Variants in BNC2 observed in about 807,000 individuals in gnomAD.
BNC2 encodes basonuclin zinc finger protein 2.
In BNC2, 20 loss-of-function variants were observed where a neutral mutation model predicts 76.3. The ratio of observed to expected loss-of-function variants is 0.26; its 90% CI spans 0.18 to 0.38. The LOEUF is 0.38. Among genes scored for constraint, BNC2 ranks in the 10% least tolerant of loss-of-function variants. The pLI is 1.00. For synonymous variants in BNC2, 582 were observed against 514.8 expected, an observed-to-expected ratio of 1.13 and a Z score of -1.77; for missense variants, 1,382 against 1,399.8, an observed-to-expected ratio of 0.99 and a Z score of 0.20.
chr9:16,695,372 C>T (rs920307600), intron 3 of BNC2, among the ~76,000 whole-genome samples: 1 of 151,998 alleles, frequency 6.6e-6, no homozygotes, highest in African/African-American at 2.4e-5. Context: ...ATTTGTGACT[C>T]GCTGCAACCT....
Position 16,418,910 on chromosome 9 carries a change from A to C in BNC2, c.*79T>G. On this transcript the variant is annotated 3_prime_UTR_variant, in exon 7 of 7. Coordinates refer to ENST00000380672, the MANE Select transcript of BNC2 (RefSeq NM_017637.6). ...ACACACACACACACACCCCAAGTAC[A>C]TAAGCGCACACTGACTATGGCAGTT... 7.5e-7 allele frequency: 1 copy of C among 1,330,984 alleles called. No homozygotes were observed. Among genetic ancestry groups the C allele is most frequent in the South Asian group, 1.2e-5 (1 of 80,860 alleles). 82.4% of individuals were successfully genotyped at this position (1,330,984 alleles called of 1,614,324 possible).
chr9:16,445,329 A>G (rs1768552187), intron 5 of BNC2, among the ~76,000 whole-genome samples: 1 of 152,156 alleles, frequency 6.6e-6, no homozygotes, highest in South Asian at 2.1e-4. Flanking sequence ...ACAAAATTAC[A>G]CCATTCTCTA....
intron 1 of BNC2, among the ~76,000 whole-genome samples, chr9:16,858,013 C>A (rs1050619652): frequency 1.3e-5 from 2 of 152,104 alleles, no homozygotes; most frequent in African/African-American, 2.4e-5. Flanking sequence ...CTCATGTTTC[C>A]AAATATGCTA....
rs1820507755 is a variant in BNC2, at chr9:16,413,043, G to GT, written c.*5945dup. ...GTTCACATTACTGGAAGGTAATAAAGTGACAAGTATGTTATTAGAAAGATA... is the reference window on the plus strand; with the variant it reads ...GTTCACATTACTGGAAGGTAATAAAGTTGACAAGTATGTTATTAGAAAGATA... On this transcript the variant is annotated 3_prime_UTR_variant, in exon 7 of 7. Coordinates refer to ENST00000380672, the MANE Select transcript of BNC2 (RefSeq NM_017637.6). 6.6e-6 allele frequency: 1 copy of GT among 152,590 alleles called. No homozygotes were observed. The highest frequency in any genetic ancestry group is 1.5e-5 in the Non-Finnish European group (1 of 68,024). The allele number at this position is 152,590 out of a possible 1,614,324, so 9.5% of individuals were successfully genotyped here. A position where few individuals can be genotyped will look rare whatever the true frequency, so the allele number is the denominator to read the frequency against.
intron 3 of BNC2, among the ~76,000 whole-genome samples, chr9:16,658,586 A>G (rs1351053387): frequency 6.6e-6 from 1 of 152,194 alleles, no homozygotes; most frequent in Non-Finnish European, 1.5e-5. Context: ...GAACAGTTCC[A>G]ATGTCAAATT....
chr9:16,607,135 T>A (rs112079783), intron 3 of BNC2, among the ~76,000 whole-genome samples: 4,539 of 151,824 alleles, frequency 0.03, 241 homozygotes, highest in African/African-American at 0.1. Context: ...AAAAAAAATT[T>A]ATAGAAACAG....
chr9:16,677,251 T>C (rs1822670614), intron 3 of BNC2, among the ~76,000 whole-genome samples: 1 of 152,076 alleles, frequency 6.6e-6, no homozygotes. Context: ...TTCTATACTA[T>C]CCATCAATTA....
intron 5 of BNC2, among the ~76,000 whole-genome samples, chr9:16,504,026 A>G (rs2131821113): frequency 6.6e-6 from 1 of 152,290 alleles, no homozygotes; most frequent in Non-Finnish European, 1.5e-5. Flanking sequence ...TTATAAACAT[A>G]CCCAGCACCT....
intron 5 of BNC2, among the ~76,000 whole-genome samples, chr9:16,520,606 C>T (rs1198325884): frequency 6.6e-6 from 1 of 152,166 alleles, no homozygotes; most frequent in African/African-American, 2.4e-5. Flanking sequence ...CTGAACAGCA[C>T]ATAAGAGAGT....
At chr9:16,674,346 C>T (rs1245002762) in intron 3 of BNC2, among the ~76,000 whole-genome samples, 1 of 152,254 alleles carries the variant, frequency 6.6e-6, no homozygotes. Context: ...GCCAGAAAGA[C>T]AAAAACATCC....
In BNC2 at chr9:16,561,238, CA is replaced by C. The variant is rs113187232; in HGVS notation, c.434-8474del. ...GGGCAACAAGAGTGAAACTCCGCCTCAAAAAAAAAAAAACAAAACCCACAGC... is the reference window on the plus strand; with the variant it reads ...GGGCAACAAGAGTGAAACTCCGCCTCAAAAAAAAAAAACAAAACCCACAGC... On this transcript the variant is annotated intron_variant, in intron 4 of 6. Transcript: ENST00000380672. 5.3e-4 allele frequency among the ~76,000 whole-genome samples: 64 copies of C among 120,832 alleles called. 1 individual carries two copies. The highest frequency in any genetic ancestry group is 1.3e-3 in the South Asian group (5 of 3,776). 79.3% of individuals were successfully genotyped at this position (120,832 alleles called of 152,430 possible).
chr9:16,504,083 AC>A (rs1822576180), intron 5 of BNC2, among the ~76,000 whole-genome samples: 1 of 152,064 alleles, frequency 6.6e-6, no homozygotes, highest in African/African-American at 2.4e-5. Context: ...AAAACACATC[AC>A]CTGCACCTAC....
intron 5 of BNC2, among the ~76,000 whole-genome samples, chr9:16,454,824 T>A (rs1821413718): frequency 6.6e-6 from 1 of 152,200 alleles, no homozygotes; most frequent in African/African-American, 2.4e-5. Flanking sequence ...TACTCAGAAA[T>A]AAGAATATTA....
chr9:16,634,462 T>G (rs1475873264), intron 3 of BNC2, among the ~76,000 whole-genome samples: 1 of 152,080 alleles, frequency 6.6e-6, no homozygotes, highest in Non-Finnish European at 1.5e-5. Flanking sequence ...GAGTAACCTC[T>G]TAGTCACCAA....
chr9:16,854,543 CT>C (rs1000865470), intron 1 of BNC2, among the ~76,000 whole-genome samples: 1 of 151,942 alleles, frequency 6.6e-6, no homozygotes, highest in Non-Finnish European at 1.5e-5. Flanking sequence ...GTTTCTAAGT[CT>C]TTTTTTTCTT....
chr9:16,617,805 T>A (rs566138132), intron 3 of BNC2, among the ~76,000 whole-genome samples: 1 of 152,348 alleles, frequency 6.6e-6, no homozygotes, highest in East Asian at 1.9e-4. Context: ...TAACTTCAGC[T>A]ATGCAGGAAG....
intron 3 of BNC2, among the ~76,000 whole-genome samples, chr9:16,632,122 T>A (rs568693770): frequency 1.3e-5 from 2 of 152,296 alleles, no homozygotes; most frequent in Admixed American, 1.3e-4. Context: ...GCAGTGAGAA[T>A]GCTCAGTCTC....
rs768749654 is a variant in BNC2 at position 16,418,946 on chromosome 9, G to T, written c.*43C>A. 6.2e-7 allele frequency: 1 copy of T among 1,601,236 alleles called. No homozygotes were observed. Among genetic ancestry groups the T allele is most frequent in the Non-Finnish European group, 8.6e-7 (1 of 1,169,204 alleles). On this transcript the variant is annotated 3_prime_UTR_variant, in exon 7 of 7. Transcript: ENST00000380672. ...CTGACTATGGCAGTTCAAACACGTA[G>T]GCCATCTGGTGAGAGCTGGCATTTG...
intron 3 of BNC2, among the ~76,000 whole-genome samples, chr9:16,656,442 T>A (rs1821932467): frequency 2.0e-5 from 3 of 152,086 alleles, no homozygotes; most frequent in South Asian, 4.1e-4. Flanking sequence ...AGAAACAGCC[T>A]CAAGAATGTT....
Sources: gnomAD v4.1 joint callset for allele counts (sites outside exome capture counted in the v4.1 genomes callset) on GRCh38, gnomAD v4.1.1 for gene constraint, MANE v1.5 for transcripts, NCBI Gene and HGNC (gene_info 2026-07-23, HGNC 2026-07-21) for gene names.